The following AJAP1 variants were observed in gnomAD, a reference collection of about 807,000 sequenced individuals.
AJAP1 encodes adherens junctions associated protein 1.
A neutral mutation model predicts 35.0 loss-of-function variants in AJAP1; 5 were observed. The observed-to-expected ratio is 0.14, with a 90% CI of 0.07 to 0.30. AJAP1 has a LOEUF of 0.30. AJAP1 is among the 10% of genes least tolerant of loss of function. AJAP1 has a pLI of 1.00. For synonymous variants in AJAP1, 284 were observed against 249.3 expected, an observed-to-expected ratio of 1.14 and a Z score of -1.31; for missense variants, 586 against 571.0, an observed-to-expected ratio of 1.03 and a Z score of -0.27.
At chr1:4,714,918 G>C (rs1413517628) in intron 2 of AJAP1, among the ~76,000 whole-genome samples, 1 of 152,174 alleles carries the variant, frequency 6.6e-6, no homozygotes, top group African/African-American at 2.4e-5. Flanking sequence ...ACCAGAGCAG[G>C]AACAATTTAG....
intron 2 of AJAP1, among the ~76,000 whole-genome samples, chr1:4,756,685 G>A (rs1457174424): frequency 1.3e-5 from 2 of 152,200 alleles, no homozygotes; most frequent in African/African-American, 2.4e-5. Context: ...CAAGAAGAGT[G>A]CAGATGCCAA....
chr1:4,711,882 C>T lies in AJAP1; in HGVS notation c.30-18C>T, dbSNP rs746288379. 6.9e-7 allele frequency: 1 copy of T among 1,449,212 alleles called. No homozygotes were observed. The highest frequency in any genetic ancestry group is 1.5e-5 in the African/African-American group (1 of 67,412). 89.8% of individuals were successfully genotyped at this position (1,449,212 alleles called of 1,614,324 possible). A position where few individuals can be genotyped will look rare whatever the true frequency, so the allele number is the denominator to read the frequency against. On this transcript the variant is annotated intron_variant, in intron 1 of 5. Coordinates refer to ENST00000378191, the MANE Select transcript of AJAP1 (RefSeq NM_018836.4). ...GGGCTTCCACTGACCGCTCTTCTCT[C>T]CTTTCCCCCCCGCACAGCTCCATGT...
Position 4,783,471 on chromosome 1 carries a change from G to GTATATATATATA in AJAP1, c.*1014_*1025dup, listed in dbSNP as rs70957905. The GTATATATATATA allele has an allele frequency of 8.6e-5, 5 of 57,806 alleles. No individual in the cohort carries two copies. Among genetic ancestry groups the GTATATATATATA allele is most frequent in the South Asian group, 5.5e-4 (1 of 1,828 alleles). The allele number at this position is 57,806 out of a possible 1,614,324, so 3.6% of individuals were successfully genotyped here. A position where few individuals can be genotyped will look rare whatever the true frequency, so the allele number is the denominator to read the frequency against. On this transcript the variant is annotated 3_prime_UTR_variant, in exon 6 of 6. Coordinates refer to ENST00000378191, the MANE Select transcript of AJAP1 (RefSeq NM_018836.4). The stretch of plus-strand genomic sequence containing the variant: ...ATGCCAAGGTTTTATATATGTGTGT[G>GTATATATATATA]TATATATATATATATATATATATAT...
chr1:4,716,557 A>G (rs189741485), intron 2 of AJAP1, among the ~76,000 whole-genome samples: 43 of 152,016 alleles, frequency 2.8e-4, no homozygotes, highest in Non-Finnish European at 6.2e-4. Flanking sequence ...GATGATGATG[A>G]GGATGATGAT....
rs1022968223 is a variant in AJAP1, at chr1:4,788,025, A to T, written c.*5540A>T. ...GATTATTTGTTTGTTTTCTAGTGTA[A>T]ATAGCACAGCCCACATAAATGAGCG... On this transcript the variant is annotated 3_prime_UTR_variant, in exon 6 of 6. Transcript: ENST00000378191. The T allele has an allele frequency of 4.7e-5, 14 of 297,002 alleles. No homozygotes were observed. Among genetic ancestry groups the T allele is most frequent in the South Asian group, 3.9e-4 (14 of 35,908 alleles). 18.4% of individuals were successfully genotyped at this position (297,002 alleles called of 1,614,324 possible). A position where few individuals can be genotyped will look rare whatever the true frequency, so the allele number is the denominator to read the frequency against.
At chr1:4,773,814 C>G (rs1641889613) in intron 4 of AJAP1, among the ~76,000 whole-genome samples, 1 of 152,210 alleles carries the variant, frequency 6.6e-6, no homozygotes, top group Non-Finnish European at 1.5e-5. Flanking sequence ...TGTTGCTTCA[C>G]TTTTCCCACC....
rs540256592 is a variant in AJAP1 at position 4,769,370 on chromosome 1, C to G, written c.830-483C>G. Among the ~76,000 whole-genome samples, 144 of 152,314 alleles carry G rather than the reference C, an allele frequency of 9.5e-4. 1 individual carries two copies. The highest frequency in any genetic ancestry group is 3.3e-3 in the African/African-American group (139 of 41,574). ...ATGTACTGGCCCATCCTGGCTCCCCCTGGGTCAGGCCAAACCCTGCTCCCA... is the reference window on the plus strand; with the variant it reads ...ATGTACTGGCCCATCCTGGCTCCCCGTGGGTCAGGCCAAACCCTGCTCCCA... On this transcript the variant is annotated intron_variant, in intron 2 of 5. Coordinates refer to ENST00000378191, the MANE Select transcript of AJAP1 (RefSeq NM_018836.4).
intron 1 of AJAP1, among the ~76,000 whole-genome samples, chr1:4,684,146 G>T (rs17344940): frequency 0.13 from 20,167 of 152,224 alleles, 1,576 homozygotes; most frequent in Non-Finnish European, 0.18. Context: ...GCCTGTCTCT[G>T]AAGCTCCCAG....
chr1:4,661,962 A>C (rs1007749387), intron 1 of AJAP1, among the ~76,000 whole-genome samples: 1 of 152,224 alleles, frequency 6.6e-6, no homozygotes, highest in African/African-American at 2.4e-5. Flanking sequence ...TTGAAATTAA[A>C]AACTGTGGAA....
In AJAP1 at chr1:4,773,507, G is replaced by A. The variant is rs559286541; in HGVS notation, c.1164-920G>A. The stretch of plus-strand genomic sequence containing the variant: ...GCCACGCCTCTTCTTGCATGTCCAC[G>A]TTGCATTCTGCCATCTGTGATATTC... On this transcript the variant is annotated intron_variant, in intron 4 of 5. Coordinates refer to ENST00000378191, the MANE Select transcript of AJAP1 (RefSeq NM_018836.4). Among the ~76,000 whole-genome samples, 43 of 152,312 alleles carry A rather than the reference G, an allele frequency of 2.8e-4. 1 individual carries two copies. In the South Asian group the frequency reaches 4.4e-3, roughly 15 times the overall value.
intron 2 of AJAP1, among the ~76,000 whole-genome samples, chr1:4,755,290 G>A (rs1223000320): frequency 6.6e-6 from 1 of 152,192 alleles, no homozygotes; most frequent in African/African-American, 2.4e-5. Flanking sequence ...GAACCCCTGT[G>A]GGAAGTGGGT....
intron 2 of AJAP1, among the ~76,000 whole-genome samples, chr1:4,729,119 G>A (rs242050): frequency 0.13 from 19,989 of 152,158 alleles, 1,704 homozygotes; most frequent in Non-Finnish European, 0.17. Context: ...ACCAAGAGAC[G>A]GATCATTAAT....
At chr1:4,691,645 G>C (rs1023514732) in intron 1 of AJAP1, among the ~76,000 whole-genome samples, 1 of 152,150 alleles carries the variant, frequency 6.6e-6, no homozygotes, top group African/African-American at 2.4e-5. Context: ...GCTTGCCATC[G>C]GATGGCAAAA....
chr1:4,696,515 G>A (rs543207256), intron 1 of AJAP1, among the ~76,000 whole-genome samples: 3 of 152,196 alleles, frequency 2.0e-5, no homozygotes, highest in South Asian at 2.1e-4. Flanking sequence ...ACGGGCAGCC[G>A]CCAGGGCAGC....
intron 1 of AJAP1, among the ~76,000 whole-genome samples, chr1:4,668,637 G>A (rs1036117069): frequency 2.6e-4 from 39 of 152,284 alleles, no homozygotes; most frequent in African/African-American, 3.6e-4. Flanking sequence ...GAGTGTGCCC[G>A]TAACTCAGGC....
At chr1:4,717,780 C>A (rs1640429793) in intron 2 of AJAP1, among the ~76,000 whole-genome samples, 1 of 152,182 alleles carries the variant, frequency 6.6e-6, no homozygotes, top group African/African-American at 2.4e-5. Context: ...ATTTTCTAAA[C>A]ACCAGAGTTG....
At chr1:4,682,894 G>A (rs936760808) in intron 1 of AJAP1, among the ~76,000 whole-genome samples, 1 of 152,134 alleles carries the variant, frequency 6.6e-6, no homozygotes, top group Non-Finnish European at 1.5e-5. Flanking sequence ...TGGTGATGGT[G>A]ATGGTGATGA....
intron 4 of AJAP1, 80 bp downstream of exon 4, chr1:4,772,605 G>A: frequency 6.4e-7 from 1 of 1,567,386 alleles, no homozygotes. Context: ...TGGCTGAGCT[G>A]AGAGCTGTTG....
intron 1 of AJAP1, among the ~76,000 whole-genome samples, chr1:4,698,986 C>T (rs1344680695): frequency 1.3e-5 from 2 of 152,188 alleles, no homozygotes; most frequent in South Asian, 2.1e-4. Context: ...CCCGGTGCAC[C>T]TGCAGCTGTG....
Sources: allele counts gnomAD v4.1 joint callset (sites outside exome capture counted in the v4.1 genomes callset), GRCh38; gene constraint gnomAD v4.1.1; transcripts MANE v1.5; gene names NCBI Gene and HGNC (gene_info 2026-07-23, HGNC 2026-07-21).